Variants in FBN2 observed in about 807,000 individuals in gnomAD.
FBN2 encodes fibrillin-2.
In FBN2, 105 loss-of-function variants were observed where a neutral mutation model predicts 355.6. The ratio of observed to expected loss-of-function variants is 0.30; its 90% CI spans 0.25 to 0.35. The LOEUF (loss-of-function observed/expected upper bound fraction) is 0.35, where lower values mean the gene tolerates loss of function less well. FBN2 is among the 10% of genes least tolerant of loss of function. FBN2 has a pLI of 1.00. For missense variants in FBN2, 3,280 were observed against 3,758.7 expected (o/e 0.87, Z 3.33); for synonymous variants, 1,350 against 1,301.2 (o/e 1.04, Z -0.81).
intron 9 of FBN2, among the ~76,000 whole-genome samples, chr5:128,393,939 T>C (rs1363234257): frequency 6.6e-6 from 1 of 152,204 alleles, no homozygotes; most frequent in Non-Finnish European, 1.5e-5. Context: ...AAGATAGCAA[T>C]TGCCTTATTG....
In FBN2 at chr5:128,453,990, GC is replaced by G. The variant is rs71713253; in HGVS notation, c.827-7385del. On this transcript the variant is annotated intron_variant, in intron 6 of 64. Transcript: ENST00000262464. ...GGAGTAGAATACTCAGAAATGGCTTGCCCCCCCCCCAAGTTTCTCCTTCCAT... is the reference window on the plus strand; with the variant it reads ...GGAGTAGAATACTCAGAAATGGCTTGCCCCCCCCCAAGTTTCTCCTTCCAT... 1.3e-3 allele frequency among the ~76,000 whole-genome samples: 185 copies of G among 144,960 alleles called. 3 individuals carry two copies. Among genetic ancestry groups the G allele is most frequent in the South Asian group, 0.011 (47 of 4,456 alleles).
In FBN2 at chr5:128,369,327, G is replaced by A. The variant is rs148920354; in HGVS notation, c.2103C>T (p.His701=). ...TTCCTCCATAGCAGGTACTGCGCAT[G>A]TGAGTATCTAAAGGAGATACAAAAA... is the stretch of plus-strand genomic sequence containing the variant. ...GMDGRVCVDT[H]MRSTCYGGIK... is the part of the protein sequence containing the mutation. Residue 701 remains histidine (H), a synonymous_variant, in exon 16 of 65, where the codon CAC becomes CAT. Transcript: ENST00000262464. The A allele has an allele frequency of 1.9e-6, 3 of 1,614,084 alleles. No individual in the cohort carries two copies. The highest frequency in any genetic ancestry group is 2.5e-6 in the Non-Finnish European group (3 of 1,179,982).
chr5:128,411,374 A>C (rs1753057001), intron 7 of FBN2, among the ~76,000 whole-genome samples: 1 of 152,190 alleles, frequency 6.6e-6, no homozygotes, highest in Non-Finnish European at 1.5e-5. Context: ...AATGAATTGA[A>C]GGATGGTGTA....
intron 5 of FBN2, among the ~76,000 whole-genome samples, chr5:128,498,582 G>A (rs554966896): frequency 6.6e-6 from 1 of 152,146 alleles, no homozygotes; most frequent in Non-Finnish European, 1.5e-5. Flanking sequence ...TTTTACAAGA[G>A]AGAGCTCAAG....
chr5:128,474,832 C>A (rs909344478), intron 5 of FBN2, among the ~76,000 whole-genome samples: 1 of 152,218 alleles, frequency 6.6e-6, no homozygotes, highest in African/African-American at 2.4e-5. Flanking sequence ...TGCTGAGATT[C>A]TCCAAGCCAG....
intron 9 of FBN2, among the ~76,000 whole-genome samples, chr5:128,394,500 A>G (rs1752596625): frequency 6.6e-6 from 1 of 152,194 alleles, no homozygotes; most frequent in Non-Finnish European, 1.5e-5. Context: ...ATAAAGTATA[A>G]ATGAAGACAG....
In FBN2 at chr5:128,312,782, GC is replaced by G; in HGVS notation, c.4730del (p.Gly1577AlafsTer5). 1 of 1,613,678 alleles carries G rather than the reference GC, an allele frequency of 6.2e-7. No homozygotes were observed. The highest frequency in any genetic ancestry group is 8.5e-7 in the Non-Finnish European group (1 of 1,180,006). On this transcript the variant is annotated frameshift_variant, in exon 37 of 65. Transcript: ENST00000262464. LOFTEE classifies it high-confidence loss of function. ...TGVGCVDNRV[G>X]NCYLKFGPRG... The stretch of plus-strand genomic sequence containing the variant: ...GAGGTCCAAACTTCAGGTAGCAGTT[GC>G]CCACACGGTTGTCTGCAGAGCAACA...
chr5:128,484,223 A>G (rs916490145), intron 5 of FBN2, among the ~76,000 whole-genome samples: 5 of 152,218 alleles, frequency 3.3e-5, no homozygotes, highest in African/African-American at 1.2e-4. Context: ...TATGCATTAG[A>G]TGAAGGATAT....
chr5:128,434,094 T>C (rs1404656829), intron 7 of FBN2, among the ~76,000 whole-genome samples: 2 of 152,088 alleles, frequency 1.3e-5, no homozygotes, highest in South Asian at 4.1e-4. Context: ...AGCAGGTGAC[T>C]AGAACTAAAA....
intron 2 of FBN2, among the ~76,000 whole-genome samples, chr5:128,532,987 C>T (rs1193815441): frequency 6.6e-6 from 1 of 152,186 alleles, no homozygotes; most frequent in African/African-American, 2.4e-5. Flanking sequence ...CTGCAGTGAG[C>T]TGTGATCATG....
intron 5 of FBN2, among the ~76,000 whole-genome samples, chr5:128,518,530 G>A (rs978717482): frequency 6.6e-6 from 1 of 151,982 alleles, no homozygotes; most frequent in Non-Finnish European, 1.5e-5. Flanking sequence ...ACAGGTCCTG[G>A]TAAGTCTACA....
At chr5:128,471,233 T>C (rs1462306941) in intron 5 of FBN2, among the ~76,000 whole-genome samples, 2 of 152,132 alleles carry the variant, frequency 1.3e-5, no homozygotes, top group Non-Finnish European at 2.9e-5. Context: ...CCAACAATTC[T>C]GTCCTTATTA....
intron 34 of FBN2, chr5:128,328,196 G>C (rs1249096106): frequency 4.9e-6 from 1 of 202,246 alleles, no homozygotes; most frequent in Non-Finnish European, 1.0e-5. Context: ...TCATCACTTA[G>C]AATAAGGAAC....
intron 62 of FBN2, among the ~76,000 whole-genome samples, chr5:128,268,109 A>C (rs779561789): frequency 1.3e-5 from 2 of 152,140 alleles, no homozygotes; most frequent in Non-Finnish European, 2.9e-5. Context: ...TTTTTGAAAA[A>C]ATTAACAAAA....
At chr5:128,294,004 C>T (rs965217973) in intron 48 of FBN2, among the ~76,000 whole-genome samples, 26 of 151,578 alleles carry the variant, frequency 1.7e-4, no homozygotes, top group African/African-American at 1.5e-4. Context: ...GACCCCACCA[C>T]AGTCCCCAGA....
chr5:128,448,230 C>T (rs1271592159), intron 6 of FBN2, among the ~76,000 whole-genome samples: 1 of 151,532 alleles, frequency 6.6e-6, no homozygotes, highest in African/African-American at 2.4e-5. Context: ...GTCTACACAC[C>T]TCTACTGTTC....
At position 128,536,480 on chromosome 5, in the gene FBN2, T is replaced by C. The variant is rs756569459; in HGVS notation, c.259A>G (p.Asn87Asp). The C allele has an allele frequency of 6.2e-7, 1 of 1,613,654 alleles. No individual in the cohort carries two copies. Among genetic ancestry groups the C allele is most frequent in the Non-Finnish European group, 8.5e-7 (1 of 1,179,796 alleles). Residue 87 changes from asparagine to aspartate, a missense_variant, in exon 2 of 65, where the codon AAC becomes GAC. Asn to Asp is a conservative substitution (Grantham distance 23). Coordinates refer to ENST00000262464, the MANE Select transcript of FBN2 (RefSeq NM_001999.4). ...GAGTGGAATCTGGAGCCGCACACGTTGGGCCTGTGATGGACAAGCGCGGTC... is the reference window on the plus strand; with the variant it reads ...GAGTGGAATCTGGAGCCGCACACGTCGGGCCTGTGATGGACAAGCGCGGTC... ...RGQQDVLRGP[N>D]VCGSRFHSYC...
chr5:128,326,907 C>T (rs1270009869), intron 34 of FBN2, among the ~76,000 whole-genome samples: 2 of 152,082 alleles, frequency 1.3e-5, no homozygotes, highest in African/African-American at 4.8e-5. Flanking sequence ...GAGGGAAGTT[C>T]TGAAAGGGCC....
intron 5 of FBN2, among the ~76,000 whole-genome samples, chr5:128,468,564 CATTTT>C (rs1754774326): frequency 6.6e-6 from 1 of 152,268 alleles, no homozygotes; most frequent in Middle Eastern, 3.4e-3. Context: ...ATAGGTTCAC[CATTTT>C]ATATTCTCCT....
Sources: allele counts gnomAD v4.1 joint callset (sites outside exome capture counted in the v4.1 genomes callset), GRCh38; gene constraint gnomAD v4.1.1; transcripts MANE v1.5; gene names NCBI Gene and HGNC (gene_info 2026-07-23, HGNC 2026-07-21).